Variants in HECW1 observed in about 807,000 individuals in gnomAD.
HECW1 encodes HECT, C2 and WW domain containing E3 ubiquitin protein ligase 1, also known as E3 ubiquitin-protein ligase HECW1.
A neutral mutation model predicts 182.3 loss-of-function variants in HECW1; 61 were observed. The observed-to-expected ratio is 0.33, with a 90% confidence interval of 0.27 to 0.41. The LOEUF is 0.41. Ranked by LOEUF, HECW1 falls within the 10% of genes least tolerant of loss-of-function variation. HECW1 has a pLI of 1.00. For synonymous variants in HECW1, 859 were observed against 832.6 expected, an observed-to-expected ratio of 1.03 and a Z score of -0.55; for missense variants, 1,739 against 2,108.9, an observed-to-expected ratio of 0.82 and a Z score of 3.44.
At chr7:43,357,241 G>A (rs996091673) in intron 5 of HECW1, among the ~76,000 whole-genome samples, 11 of 152,018 alleles carry the variant, frequency 7.2e-5, no homozygotes, top group Admixed American at 7.2e-4. Flanking sequence ...GCAAAAGAAA[G>A]GAAATCAATA....
chr7:43,399,054 T>C (rs747817846), intron 7 of HECW1, among the ~76,000 whole-genome samples: 1 of 152,206 alleles, frequency 6.6e-6, no homozygotes, highest in Non-Finnish European at 1.5e-5. Context: ...CCAGGAGCAA[T>C]TTGGGGGTAG....
intron 24 of HECW1, among the ~76,000 whole-genome samples, chr7:43,526,902 G>A (rs969096886): frequency 6.6e-6 from 1 of 152,124 alleles, no homozygotes; most frequent in African/African-American, 2.4e-5. Flanking sequence ...AGACTAAGGC[G>A]AGAGGATCAC....
intron 3 of HECW1, chr7:43,311,490 T>G (rs1808492518): frequency 1.6e-6 from 1 of 638,834 alleles, no homozygotes; most frequent in South Asian, 1.5e-5. Context: ...TGGTATCAAG[T>G]GGGTTAGAGC....
At chr7:43,425,949 C>T (rs940593525) in intron 8 of HECW1, among the ~76,000 whole-genome samples, 1 of 152,122 alleles carries the variant, frequency 6.6e-6, no homozygotes, top group South Asian at 2.1e-4. Flanking sequence ...TCTACTCCAG[C>T]ACCTTTGAGA....
At chr7:43,255,166 C>T (rs1169029583) in intron 3 of HECW1, among the ~76,000 whole-genome samples, 2 of 152,184 alleles carry the variant, frequency 1.3e-5, no homozygotes, top group Non-Finnish European at 2.9e-5. Flanking sequence ...AAGGAGCTAA[C>T]CCAACTATGC....
intron 6 of HECW1, among the ~76,000 whole-genome samples, chr7:43,389,544 C>A (rs1028090988): frequency 6.6e-6 from 1 of 152,212 alleles, no homozygotes; most frequent in Non-Finnish European, 1.5e-5. Context: ...CAGGGAAAAT[C>A]TACTATTGGA....
chr7:43,554,993 T>C (rs2081971413), intron 29 of HECW1, among the ~76,000 whole-genome samples: 1 of 152,194 alleles, frequency 6.6e-6, no homozygotes, highest in Non-Finnish European at 1.5e-5. Context: ...GAGGTTTTGA[T>C]GACTGATGGT....
At chr7:43,263,362 T>C (rs1468310394) in intron 3 of HECW1, among the ~76,000 whole-genome samples, 1 of 152,170 alleles carries the variant, frequency 6.6e-6, no homozygotes. Flanking sequence ...CTCTGTTTGT[T>C]GTTGTTGTTG....
intron 7 of HECW1, 74 bp downstream of exon 7, chr7:43,396,963 T>G: frequency 1.9e-6 from 2 of 1,065,808 alleles, no homozygotes; most frequent in Non-Finnish European, 2.9e-6. Context: ...TCACTTCCAT[T>G]TCACTCTTAC....
intron 2 of HECW1, among the ~76,000 whole-genome samples, chr7:43,135,443 A>C (rs78180753): frequency 0.011 from 1,708 of 152,286 alleles, 31 homozygotes; most frequent in African/African-American, 0.039. Context: ...TAGGGCTAAA[A>C]AAAACAGTCT....
intron 24 of HECW1, among the ~76,000 whole-genome samples, chr7:43,537,112 C>G (rs994835585): frequency 6.6e-6 from 1 of 152,166 alleles, no homozygotes; most frequent in East Asian, 1.9e-4. Context: ...CCTGCAACAT[C>G]GGTCGAGACT....
intron 2 of HECW1, among the ~76,000 whole-genome samples, chr7:43,242,846 G>A (rs1485125285): frequency 1.3e-5 from 2 of 152,300 alleles, no homozygotes; most frequent in Middle Eastern, 3.4e-3. Context: ...GCTGCACGGT[G>A]TGCGTCACCA....
intron 6 of HECW1, among the ~76,000 whole-genome samples, chr7:43,393,177 CAG>C (rs1562927229): frequency 1.3e-5 from 2 of 152,192 alleles, no homozygotes; most frequent in African/African-American, 4.8e-5. Flanking sequence ...AGAGCTTCAA[CAG>C]AGAGAGGGGG....
intron 2 of HECW1, among the ~76,000 whole-genome samples, chr7:43,183,520 A>C (rs867627114): frequency 6.6e-6 from 1 of 152,210 alleles, no homozygotes; most frequent in African/African-American, 2.4e-5. Flanking sequence ...AAAAAGAAGA[A>C]TATATATACA....
rs575902240 is a variant in HECW1, at chr7:43,247,831, TAAGAAGGAAGG to T, written c.27+3914_27+3924del. On this transcript the variant is annotated intron_variant, in intron 3 of 29. Coordinates refer to ENST00000395891, the MANE Select transcript of HECW1 (RefSeq NM_015052.5). The stretch of plus-strand genomic sequence containing the variant: ...GAAAGAAAAGAAAGAGAGAGAAAGG[TAAGAAGGAAGG>T]AAGAAGGAAGGAAGGAAAGAAAGAA... Among the ~76,000 whole-genome samples the T allele has an allele frequency of 3.0e-4, 27 of 90,916 alleles. 1 individual carries two copies. In the South Asian group the frequency reaches 8.0e-3, roughly 27 times the overall value. 59.6% of individuals were successfully genotyped at this position (90,916 alleles called of 152,430 possible).
intron 3 of HECW1, among the ~76,000 whole-genome samples, chr7:43,279,033 C>T (rs975605227): frequency 2.6e-5 from 4 of 152,206 alleles, no homozygotes; most frequent in African/African-American, 9.7e-5. Context: ...TAAATGAATA[C>T]ATCCAGCAGT....
chr7:43,168,626 C>G (rs1791372420), intron 2 of HECW1, among the ~76,000 whole-genome samples: 2 of 152,092 alleles, frequency 1.3e-5, no homozygotes, highest in Non-Finnish European at 2.9e-5. Context: ...TACCACTACA[C>G]TTCAGCCTGG....
At chr7:43,299,051 C>T (rs1248176147) in intron 3 of HECW1, among the ~76,000 whole-genome samples, 1 of 152,210 alleles carries the variant, frequency 6.6e-6, no homozygotes, top group African/African-American at 2.4e-5. Flanking sequence ...TGTCTTGTAA[C>T]CAGTGGAAAT....
At chr7:43,482,882 G>A (rs1471141492) in intron 17 of HECW1, among the ~76,000 whole-genome samples, 1 of 152,142 alleles carries the variant, frequency 6.6e-6, no homozygotes, top group Non-Finnish European at 1.5e-5. Flanking sequence ...TCCAGCCTAG[G>A]CAACAGTGCA....
Sources: gnomAD v4.1 joint callset for allele counts (sites outside exome capture counted in the v4.1 genomes callset) on GRCh38, gnomAD v4.1.1 for gene constraint, MANE v1.5 for transcripts, NCBI Gene and HGNC (gene_info 2026-07-23, HGNC 2026-07-21) for gene names.